The following ERC1 variants were observed in gnomAD, a reference collection of about 807,000 sequenced individuals.
ERC1 encodes RAB6 interacting protein 2.
Under a neutral mutation model 132.0 loss-of-function variants are expected in ERC1, and 56 were observed. The ratio of observed to expected loss-of-function variants is 0.42; its 90% confidence interval spans 0.34 to 0.53. The LOEUF (loss-of-function observed/expected upper bound fraction) is 0.53, where lower values mean the gene tolerates loss of function less well. ERC1 is among the 20% of genes least tolerant of loss of function. The probability of loss-of-function intolerance (pLI) is 0.03; values close to 1 mark genes in which losing one functional copy is unlikely to be tolerated. For missense variants in ERC1, 1,202 were observed against 1,349.9 expected (o/e 0.89, Z 1.72); for synonymous variants, 478 against 476.1 (o/e 1.00, Z -0.05).
chr12:1,097,078 T>A (rs1944131726), intron 3 of ERC1, among the ~76,000 whole-genome samples: 1 of 152,256 alleles, frequency 6.6e-6, no homozygotes, highest in African/African-American at 2.4e-5. Context: ...AATTACCGAT[T>A]TGCCCTTAAT....
intron 12 of ERC1, among the ~76,000 whole-genome samples, chr12:1,202,821 A>G (rs567636049): frequency 2.0e-5 from 3 of 152,328 alleles, no homozygotes; most frequent in African/African-American, 7.2e-5. Flanking sequence ...CTTGCATACA[A>G]AGAAGACTCA....
intron 17 of ERC1, 82 bp downstream of exon 17, chr12:1,408,329 C>A: frequency 1.1e-6 from 1 of 915,262 alleles, no homozygotes; most frequent in South Asian, 1.6e-5. Context: ...GTTGCAAATT[C>A]TGAGATATAA....
Position 1,083,174 on chromosome 12 carries a change from T to G in ERC1, c.680T>G (p.Met227Arg). The G allele has an allele frequency of 6.2e-7, 1 of 1,612,326 alleles. No homozygotes were observed. The highest frequency in any genetic ancestry group is 8.5e-7 in the Non-Finnish European group (1 of 1,179,394). ...VVQEENQHMQ[M>R]TIQALQDELR... ...TTGTCTTGGTTCTAGCACATGCAGATGACAATCCAGGCTCTCCAGGATGAA... is the reference window on the plus strand; with the variant it reads ...TTGTCTTGGTTCTAGCACATGCAGAGGACAATCCAGGCTCTCCAGGATGAA... Residue 227 changes from methionine (M) to arginine (R), a missense_variant, in exon 3 of 19, where the codon ATG (methionine) becomes AGG (arginine). Met to Arg is a moderately conservative substitution (Grantham distance 91). Coordinates refer to ENST00000360905, the MANE Select transcript of ERC1 (RefSeq NM_178040.4).
At chr12:1,115,559 A>G (rs1593391197) in intron 6 of ERC1, 2 of 280,458 alleles carry the variant, frequency 7.1e-6, no homozygotes, top group Non-Finnish European at 1.4e-5. Flanking sequence ...CTGCTGTCTC[A>G]TAGTCATCTA....
At chr12:1,020,375 T>C (rs1166640150) in intron 1 of ERC1, among the ~76,000 whole-genome samples, 1 of 152,196 alleles carries the variant, frequency 6.6e-6, no homozygotes, top group Admixed American at 6.5e-5. Flanking sequence ...GAGAATCGCT[T>C]GAACCTGGGA....
intron 15 of ERC1, among the ~76,000 whole-genome samples, chr12:1,318,979 A>C (rs2081948663): frequency 6.6e-6 from 1 of 152,132 alleles, no homozygotes; most frequent in Non-Finnish European, 1.5e-5. Context: ...TGTAATTTTG[A>C]AGAAGAGGTT....
intron 16 of ERC1, among the ~76,000 whole-genome samples, chr12:1,375,430 A>G (rs2087771231): frequency 6.6e-6 from 1 of 152,134 alleles, no homozygotes; most frequent in African/African-American, 2.4e-5. Flanking sequence ...TCGAGGTGAG[A>G]TTTGGGTGGG....
Position 1,359,859 on chromosome 12 carries a change from T to TA in ERC1, c.2781-11973dup, listed in dbSNP as rs1377673259. Among the ~76,000 whole-genome samples the TA allele has an allele frequency of 4.6e-5, 7 of 152,238 alleles. No homozygotes were observed. The South Asian group carries it at 1.2e-3, about 27-fold the overall frequency. ...ATATATTTGTGTATCACAAAAGAGTTACGTCATCTTTAGAGTCTTCTAACA... is the reference window on the plus strand; with the variant it reads ...ATATATTTGTGTATCACAAAAGAGTTAACGTCATCTTTAGAGTCTTCTAACA... On this transcript the variant is annotated intron_variant, in intron 15 of 18. Transcript: ENST00000360905.
chr12:1,385,486 G>A (rs796458551), intron 16 of ERC1, among the ~76,000 whole-genome samples: 7 of 152,052 alleles, frequency 4.6e-5, no homozygotes, highest in Non-Finnish European at 8.8e-5. Context: ...GGGTTTCACC[G>A]TGTTAGCCAG....
In ERC1 at chr12:1,493,214, T is replaced by C. The variant is rs1297564642; in HGVS notation, c.*2984T>C. ...GCAAGGACTTTGATACCATTTGAAATGGAAAAATTTTGAACGGGCTTTAAC... is the reference window on the plus strand; with the variant it reads ...GCAAGGACTTTGATACCATTTGAAACGGAAAAATTTTGAACGGGCTTTAAC... On this transcript the variant is annotated 3_prime_UTR_variant, in exon 19 of 19. Transcript: ENST00000360905. The C allele has an allele frequency of 1.0e-5, 2 of 195,300 alleles. No homozygotes were observed. Among genetic ancestry groups the C allele is most frequent in the Non-Finnish European group, 2.1e-5 (2 of 93,870 alleles). The allele number at this position is 195,300 out of a possible 1,614,324, so 12.1% of individuals were successfully genotyped here. A position where few individuals can be genotyped will look rare whatever the true frequency, so the allele number is the denominator to read the frequency against.
intron 13 of ERC1, among the ~76,000 whole-genome samples, chr12:1,256,412 T>TCTTGC (rs748561009): frequency 1.0e-3 from 139 of 135,398 alleles, no homozygotes; most frequent in Middle Eastern, 3.8e-3. Context: ...TATTTCGTTC[T>TCTTGC]CAGACTAAAA....
At chr12:1,011,119 C>G (rs1333898024) in intron 1 of ERC1, among the ~76,000 whole-genome samples, 1 of 152,198 alleles carries the variant, frequency 6.6e-6, no homozygotes, top group East Asian at 1.9e-4. Flanking sequence ...GACTTTGAGA[C>G]TAGGTACAAA....
intron 9 of ERC1, 49 bp from the exon 10 acceptor site, chr12:1,181,876 A>ATT (rs201766031): frequency 0.012 from 18,433 of 1,569,794 alleles, 158 homozygotes; most frequent in Middle Eastern, 0.022. Context: ...TTACAGTCAT[A>ATT]TAAGTGCAAA....
Position 1,490,496 on chromosome 12 carries a change from T to G in ERC1, c.*266T>G, listed in dbSNP as rs1024977426. The G allele has an allele frequency of 1.3e-4, 52 of 413,720 alleles. 1 individual carries two copies. The Admixed American group carries it at 1.8e-3, about 14-fold the overall frequency. The allele number at this position is 413,720 out of a possible 1,614,324, so 25.6% of individuals were successfully genotyped here. ...TCTCTGAAGAACTGCCACCTGGTCA[T>G]CAGCAGTGGAGAACTGTGGGAGCTG... is the stretch of plus-strand genomic sequence containing the variant. On this transcript the variant is annotated 3_prime_UTR_variant, in exon 19 of 19. Coordinates refer to ENST00000360905, the MANE Select transcript of ERC1 (RefSeq NM_178040.4).
intron 8 of ERC1, among the ~76,000 whole-genome samples, chr12:1,167,167 T>C (rs1167878060): frequency 6.6e-6 from 1 of 152,196 alleles, no homozygotes; most frequent in African/African-American, 2.4e-5. Flanking sequence ...CTGACAAAGA[T>C]TGTTCTTAGT....
chr12:1,071,921 A>T (rs61918740), intron 2 of ERC1, among the ~76,000 whole-genome samples: 1 of 151,736 alleles, frequency 6.6e-6, no homozygotes, highest in Non-Finnish European at 1.5e-5. Flanking sequence ...GCCAACATGG[A>T]GAAACCCTGT....
intron 12 of ERC1, among the ~76,000 whole-genome samples, chr12:1,191,451 A>G (rs1387341111): frequency 1.3e-5 from 2 of 152,210 alleles, no homozygotes; most frequent in African/African-American, 4.8e-5. Flanking sequence ...ACTTCCCACT[A>G]AATATATTTC....
chr12:1,428,722 G>A (rs1438491119), intron 17 of ERC1, among the ~76,000 whole-genome samples: 1 of 152,154 alleles, frequency 6.6e-6, no homozygotes, highest in East Asian at 1.9e-4. Context: ...TCATTCACTT[G>A]TCCTCAGCTC....
Position 1,295,479 on chromosome 12 carries a change from G to A in ERC1, c.2780+5467G>A, listed in dbSNP as rs189984976. Among the ~76,000 whole-genome samples, 44 of 152,260 alleles carry A rather than the reference G, an allele frequency of 2.9e-4. No homozygotes were observed. The East Asian group carries it at 4.2e-3, about 15-fold the overall frequency. ...GCCCAAGGCTTACCAGAGATTAGAT[G>A]CTACAGAATGAGAGTGGAATTGTAA... On this transcript the variant is annotated intron_variant, in intron 15 of 18. Transcript: ENST00000360905.
Sources: gnomAD v4.1 joint callset for allele counts (sites outside exome capture counted in the v4.1 genomes callset) on GRCh38, gnomAD v4.1.1 for gene constraint, MANE v1.5 for transcripts, NCBI Gene and HGNC (gene_info 2026-07-23, HGNC 2026-07-21) for gene names.